SNRNP48: variants seen among roughly 807,000 people sequenced by gnomAD.
The protein encoded by SNRNP48 is U11/U12 small nuclear ribonucleoprotein 48 kDa protein.
A neutral mutation model predicts 47.0 loss-of-function variants in SNRNP48; 43 were observed. The observed-to-expected ratio is 0.92, with a 90% CI of 0.72 to 1.18. The LOEUF (loss-of-function observed/expected upper bound fraction) is 1.18. SNRNP48 is among the 50% of genes most tolerant of loss of function. The probability of loss-of-function intolerance (pLI) is 0.00; values close to 1 mark genes in which losing one functional copy is unlikely to be tolerated. For synonymous variants in SNRNP48, 138 were observed against 144.0 expected (o/e 0.96, Z 0.30); for missense variants, 396 against 422.2 (o/e 0.94, Z 0.54).
At chr6:7,596,265 CA>C (rs111802280) in intron 4 of SNRNP48, among the ~76,000 whole-genome samples, 27 of 139,432 alleles carry the variant, frequency 1.9e-4, no homozygotes, top group East Asian at 8.3e-4. Flanking sequence ...GACTCCATCT[CA>C]AAAAAAAAAA....
intron 8 of SNRNP48, among the ~76,000 whole-genome samples, chr6:7,606,777 ACTTAC>A (rs1760136971): frequency 6.6e-6 from 1 of 152,034 alleles, no homozygotes; most frequent in African/African-American, 2.4e-5. Context: ...CTAGAACTAA[ACTTAC>A]CTTTTTCTCA....
rs1760235955 is a variant in SNRNP48 at position 7,611,578 on chromosome 6, G to A, written c.*2705G>A. 1 of 152,126 alleles carries A rather than the reference G, an allele frequency of 6.6e-6. No individual in the cohort carries two copies. The highest frequency in any genetic ancestry group is 1.5e-5 in the Non-Finnish European group (1 of 68,036). 9.4% of individuals were successfully genotyped at this position (152,126 alleles called of 1,614,324 possible). On this transcript the variant is annotated 3_prime_UTR_variant, in exon 9 of 9. Transcript: ENST00000342415. ...ACTCAGAATTTTAAATTAAATCAAT[G>A]ATCTTCAAGTATTTGCCACTTTCGA...
intron 4 of SNRNP48, among the ~76,000 whole-genome samples, chr6:7,598,361 G>T (rs560479521): frequency 6.6e-5 from 10 of 152,106 alleles, no homozygotes; most frequent in Non-Finnish European, 1.3e-4. Context: ...CAGGCGCTAT[G>T]GTGCGTGCCT....
intron 6 of SNRNP48, among the ~76,000 whole-genome samples, chr6:7,604,243 A>T (rs534547982): frequency 6.6e-6 from 1 of 152,318 alleles, no homozygotes; most frequent in African/African-American, 2.4e-5. Context: ...TGTGTGACTC[A>T]TGTCACTCCG....
At chr6:7,593,127 T>G (rs565091670) in intron 1 of SNRNP48, among the ~76,000 whole-genome samples, 14 of 152,274 alleles carry the variant, frequency 9.2e-5, no homozygotes, top group African/African-American at 3.4e-4. Context: ...GTGAGAGTTG[T>G]AGCTTTGAGA....
chr6:7,591,447 C>G (rs12530309), intron 1 of SNRNP48, among the ~76,000 whole-genome samples: 40,743 of 152,030 alleles, frequency 0.27, 5,728 homozygotes, highest in African/African-American at 0.36. Context: ...GATAATTTCT[C>G]CTGGGTTTAA....
intron 4 of SNRNP48, chr6:7,601,018 A>T (rs1235831814): frequency 5.3e-6 from 1 of 190,340 alleles, no homozygotes; most frequent in Non-Finnish European, 1.1e-5. Context: ...GGCTATAAAA[A>T]TTGTTACCCA....
chr6:7,595,008 A>ATTTT lies in SNRNP48; in HGVS notation c.332-9_332-6dup. 1 of 1,255,978 alleles carries ATTTT rather than the reference A, an allele frequency of 8.0e-7. No individual in the cohort carries two copies. Among genetic ancestry groups the ATTTT allele is most frequent in the Non-Finnish European group, 1.1e-6 (1 of 908,916 alleles). 77.8% of individuals were successfully genotyped at this position (1,255,978 alleles called of 1,614,324 possible). On this transcript the variant is annotated intron_variant, in intron 3 of 8. Transcript: ENST00000342415. ...CTGATGATTCATATTGTATTTATGG[A>ATTTT]TTTTTTTTTTTTTGACAGATAAGGA...
chr6:7,593,182 A>G (rs1759848560), intron 1 of SNRNP48, among the ~76,000 whole-genome samples: 1 of 152,074 alleles, frequency 6.6e-6, no homozygotes, highest in African/African-American at 2.4e-5. Flanking sequence ...CAGTGGTTAT[A>G]TTAATACTTA....
chr6:7,605,540 AT>A lies in SNRNP48; in HGVS notation c.806+56del, dbSNP rs551150970. 2,091 of 1,480,324 alleles carry A rather than the reference AT, an allele frequency of 1.4e-3. 30 individuals carry two copies. The African/African-American group carries it at 0.025, about 18-fold the overall frequency. The allele number at this position is 1,480,324 out of a possible 1,614,324, so 91.7% of individuals were successfully genotyped here. A position where few individuals can be genotyped will look rare whatever the true frequency, so the allele number is the denominator to read the frequency against. ...ACTCTCTCTTTGATAACAGATAACA[AT>A]TAACTTATAATTGTTAAATTTTAGC... On this transcript the variant is annotated intron_variant, in intron 7 of 8. Transcript: ENST00000342415.
chr6:7,601,243 A>G lies in SNRNP48; in HGVS notation c.407-93A>G, dbSNP rs557448267. 413 of 1,006,278 alleles carry G rather than the reference A, an allele frequency of 4.1e-4. 5 individuals carry two copies. In the South Asian group the frequency reaches 7.0e-3, roughly 17 times the overall value. 62.3% of individuals were successfully genotyped at this position (1,006,278 alleles called of 1,614,324 possible). On this transcript the variant is annotated intron_variant, in intron 4 of 8. Coordinates refer to ENST00000342415, the MANE Select transcript of SNRNP48 (RefSeq NM_152551.4). Reference sequence around the variant, plus strand: ...TGAAAAAAGTTTGTGTTAATATTGCATTATTAAAGCACATGTTTAAAGATA... The same window carrying G: ...TGAAAAAAGTTTGTGTTAATATTGCGTTATTAAAGCACATGTTTAAAGATA...
intron 4 of SNRNP48, among the ~76,000 whole-genome samples, chr6:7,595,356 G>A (rs553055523): frequency 6.7e-6 from 1 of 149,892 alleles, no homozygotes; most frequent in South Asian, 2.1e-4. Flanking sequence ...GCGATTTATA[G>A]GTGAGATTGT....
chr6:7,600,123 G>C (rs189998540), intron 4 of SNRNP48: 1 of 992,548 alleles, frequency 1.0e-6, no homozygotes, highest in East Asian at 1.1e-4. Flanking sequence ...ACTTGAAAGG[G>C]AACCCTTTTT....
chr6:7,593,011 ATAAT>A (rs1759845962), intron 1 of SNRNP48, among the ~76,000 whole-genome samples: 1 of 152,136 alleles, frequency 6.6e-6, no homozygotes, highest in Non-Finnish European at 1.5e-5. Context: ...GATGATGAAT[ATAAT>A]TAATTTATTT....
intron 1 of SNRNP48, among the ~76,000 whole-genome samples, chr6:7,592,766 G>A (rs1010758413): frequency 3.3e-5 from 5 of 152,096 alleles, no homozygotes; most frequent in African/African-American, 7.2e-5. Flanking sequence ...GCGAGCGAGC[G>A]TAGTCAGGAG....
rs1322625781 is a variant in SNRNP48, at chr6:7,611,930, G to A, written c.*3057G>A. The stretch of plus-strand genomic sequence containing the variant: ...TCATTTGCTATAATTGATCCTGCAG[G>A]TGTGTGAATTATTAAACTAACGCTC... On this transcript the variant is annotated 3_prime_UTR_variant, in exon 9 of 9. Coordinates refer to ENST00000342415, the MANE Select transcript of SNRNP48 (RefSeq NM_152551.4). The A allele has an allele frequency of 6.6e-6, 1 of 152,146 alleles. No homozygotes were observed. 9.4% of individuals were successfully genotyped at this position (152,146 alleles called of 1,614,324 possible). A position where few individuals can be genotyped will look rare whatever the true frequency, so the allele number is the denominator to read the frequency against.
intron 4 of SNRNP48, 133 bp from the exon 5 acceptor site, chr6:7,601,203 T>C (rs17398289): frequency 0.061 from 36,854 of 606,222 alleles, 1,418 homozygotes; most frequent in Non-Finnish European, 0.077. Context: ...TGATATTTTG[T>C]ATACTTAGGG....
At position 7,598,652 on chromosome 6, in the gene SNRNP48, G is replaced by C. The variant is rs2113718004; in HGVS notation, c.407-2684G>C. On this transcript the variant is annotated intron_variant, in intron 4 of 8. Coordinates refer to ENST00000342415, the MANE Select transcript of SNRNP48 (RefSeq NM_152551.4). ...ATCTTATTGATGTATTTACTTTTAA[G>C]GGAGAATGACTAACATGAAAAATTT... Among the ~76,000 whole-genome samples the C allele has an allele frequency of 1.3e-5, 2 of 152,116 alleles. 1 individual carries two copies. The highest frequency in any genetic ancestry group is 2.9e-5 in the Non-Finnish European group (2 of 68,008).
chr6:7,609,571 A>C lies in SNRNP48; in HGVS notation c.*698A>C, dbSNP rs1460270004. 1 of 152,226 alleles carries C rather than the reference A, an allele frequency of 6.6e-6. No individual in the cohort carries two copies. Among genetic ancestry groups the C allele is most frequent in the East Asian group, 1.9e-4 (1 of 5,204 alleles). 9.4% of individuals were successfully genotyped at this position (152,226 alleles called of 1,614,324 possible). A position where few individuals can be genotyped will look rare whatever the true frequency, so the allele number is the denominator to read the frequency against. On this transcript the variant is annotated 3_prime_UTR_variant, in exon 9 of 9. Transcript: ENST00000342415. ...CGTAAATCTATTTTTAAAGGTTCAG[A>C]GGAATCCATACCAAAGTTCTAACAG...
Sources: gnomAD v4.1 joint callset for allele counts (sites outside exome capture counted in the v4.1 genomes callset) on GRCh38, gnomAD v4.1.1 for gene constraint, MANE v1.5 for transcripts, NCBI Gene and HGNC (gene_info 2026-07-23, HGNC 2026-07-21) for gene names.